The following TM6SF1 variants were observed in gnomAD, a reference collection of about 807,000 sequenced individuals.
TM6SF1 encodes transmembrane 6 superfamily member 1.
A neutral mutation model predicts 47.1 loss-of-function variants in TM6SF1; 43 were observed. The observed-to-expected ratio is 0.91, with a 90% CI of 0.72 to 1.18. The LOEUF (loss-of-function observed/expected upper bound fraction) is 1.18, where lower values mean the gene tolerates loss of function less well. TM6SF1 is among the 50% of genes most tolerant of loss of function. TM6SF1 has a pLI of 0.00. For synonymous variants in TM6SF1, 177 were observed against 166.3 expected, an observed-to-expected ratio of 1.06 and a Z score of -0.49; for missense variants, 390 against 449.0, an observed-to-expected ratio of 0.87 and a Z score of 1.19.
chr15:83,124,881 C>A (rs2151371729), intron 7 of TM6SF1, 105 bp downstream of exon 7: 1 of 958,794 alleles, frequency 1.0e-6, no homozygotes, highest in Non-Finnish European at 1.6e-6. Flanking sequence ...GACTTCTTAG[C>A]AAACTAACAA....
At position 83,124,344 on chromosome 15, in the gene TM6SF1, T is replaced by C. The variant is rs536845485; in HGVS notation, c.604-328T>C. 1.4e-4 allele frequency among the ~76,000 whole-genome samples: 22 copies of C among 152,328 alleles called. No individual in the cohort carries two copies. The South Asian group carries it at 2.1e-3, about 14-fold the overall frequency. ...ATTTACATGTATTACTGGAAAAGTATACCAACGGTTAATAGTGGTGTGGCA... is the reference window on the plus strand; with the variant it reads ...ATTTACATGTATTACTGGAAAAGTACACCAACGGTTAATAGTGGTGTGGCA... On this transcript the variant is annotated intron_variant, in intron 6 of 9. Transcript: ENST00000322019.
rs970198017 is a variant in TM6SF1 at position 83,117,365 on chromosome 15, C to T, written c.294+1423C>T. Among the ~76,000 whole-genome samples the T allele has an allele frequency of 3.9e-5, 6 of 152,176 alleles. 1 individual carries two copies. Among genetic ancestry groups the T allele is most frequent in the African/African-American group, 4.8e-5 (2 of 41,512 alleles). On this transcript the variant is annotated intron_variant, in intron 3 of 9. Coordinates refer to ENST00000322019, the MANE Select transcript of TM6SF1 (RefSeq NM_023003.5). ...GGAGCAGTCCTGGAAGAGAGAGTCACGGGCCATCGGAGTGCAGTTGGTACC... is the reference window on the plus strand; with the variant it reads ...GGAGCAGTCCTGGAAGAGAGAGTCATGGGCCATCGGAGTGCAGTTGGTACC...
intron 9 of TM6SF1, chr15:83,128,393 G>C (rs1034741577): frequency 2.0e-5 from 3 of 152,178 alleles, no homozygotes; most frequent in African/African-American, 7.2e-5. Context: ...GTAGCATCCA[G>C]AAGTAATGGT....
At chr15:83,110,559 G>A (rs185564033) in intron 1 of TM6SF1, among the ~76,000 whole-genome samples, 3 of 152,280 alleles carry the variant, frequency 2.0e-5, no homozygotes, top group East Asian at 1.9e-4. Context: ...CCAACCACGC[G>A]ATCCTGCTGG....
intron 4 of TM6SF1, among the ~76,000 whole-genome samples, chr15:83,121,348 C>G (rs1313837079): frequency 6.6e-6 from 1 of 151,722 alleles, no homozygotes; most frequent in Non-Finnish European, 1.5e-5. Context: ...TCTCAAAGTG[C>G]TGGGATTACA....
chr15:83,135,231 A>G lies in TM6SF1; in HGVS notation c.922-1250A>G, dbSNP rs180688215. 276 of 152,394 alleles carry G rather than the reference A, an allele frequency of 1.8e-3. 1 individual carries two copies. The highest frequency in any genetic ancestry group is 6.3e-3 in the African/African-American group (264 of 41,598). The allele number at this position is 152,394 out of a possible 1,614,324, so 9.4% of individuals were successfully genotyped here. A position where few individuals can be genotyped will look rare whatever the true frequency, so the allele number is the denominator to read the frequency against. ...AAAAAATTCATAAAGATGCTGCTTA[A>G]AAAAACTTGTCCTTTTCTTGTCATG... is the stretch of plus-strand genomic sequence containing the variant. On this transcript the variant is annotated intron_variant, in intron 9 of 9. Transcript: ENST00000322019.
At chr15:83,134,706 A>AT (rs1445331676) in intron 9 of TM6SF1, 2 of 152,236 alleles carry the variant, frequency 1.3e-5, no homozygotes, top group African/African-American at 4.8e-5. Flanking sequence ...AAATTTGGTG[A>AT]TTTTGTGATG....
At chr15:83,111,064 G>C (rs1038557428) in intron 1 of TM6SF1, among the ~76,000 whole-genome samples, 1 of 152,016 alleles carries the variant, frequency 6.6e-6, no homozygotes, top group Non-Finnish European at 1.5e-5. Flanking sequence ...TAGAGACGGG[G>C]TTTCACCATG....
chr15:83,112,925 T>G, intron 2 of TM6SF1, 25 bp downstream of exon 2: 1 of 1,531,656 alleles, frequency 6.5e-7, no homozygotes, highest in Non-Finnish European at 9.1e-7. Flanking sequence ...AGGGAAATCT[T>G]TTGTATCTGA....
At position 83,122,643 on chromosome 15, in the gene TM6SF1, TATTGTCTGGCCC is replaced by T. The variant is rs2035374641; in HGVS notation, c.482-111_482-100del. ...CTTTTTAATTTGGCCTCATTAAAAA[TATTGTCTGGCCC>T]ATAGCAAAATTTTAGATGACCTGAG... On this transcript the variant is annotated intron_variant, in intron 5 of 9. Transcript: ENST00000322019. 3 of 1,153,056 alleles carry T rather than the reference TATTGTCTGGCCC, an allele frequency of 2.6e-6. No homozygotes were observed. In the Admixed American group the frequency reaches 7.1e-5, roughly 27 times the overall value. 71.4% of individuals were successfully genotyped at this position (1,153,056 alleles called of 1,614,324 possible).
At chr15:83,112,191 T>C (rs553762864) in intron 1 of TM6SF1, among the ~76,000 whole-genome samples, 1 of 152,292 alleles carries the variant, frequency 6.6e-6, no homozygotes, top group Admixed American at 6.5e-5. Context: ...GCTGGTCTGT[T>C]GGCCCTGGTT....
chr15:83,125,025 T>C (rs1440541709), intron 7 of TM6SF1, among the ~76,000 whole-genome samples: 1 of 152,180 alleles, frequency 6.6e-6, no homozygotes, highest in Non-Finnish European at 1.5e-5. Flanking sequence ...TTTTAGGGCA[T>C]CTAAAAAATC....
rs529676597 is a variant in TM6SF1, at chr15:83,108,332, G to T, written c.92+560G>T. On this transcript the variant is annotated intron_variant, in intron 1 of 9. Coordinates refer to ENST00000322019, the MANE Select transcript of TM6SF1 (RefSeq NM_023003.5). ...GGCCTGACGGTGTTTGGCACTGACG[G>T]TGTGGTCTGGCCTCGGTTTTCCGGT... 5.9e-5 allele frequency among the ~76,000 whole-genome samples: 9 copies of T among 152,260 alleles called. No individual in the cohort carries two copies. In the South Asian group the frequency reaches 1.9e-3, roughly 32 times the overall value.
At position 83,107,969 on chromosome 15, in the gene TM6SF1, G is replaced by T. The variant is rs1167342233; in HGVS notation, c.92+197G>T. The T allele has an allele frequency of 2.7e-6, 3 of 1,095,828 alleles. No homozygotes were observed. The highest frequency in any genetic ancestry group is 6.8e-5 in the East Asian group (2 of 29,430). The allele number at this position is 1,095,828 out of a possible 1,614,324, so 67.9% of individuals were successfully genotyped here. ...CGCACGGGCCGGGTCTTGGAGCCGG[G>T]CCCTGAGGTGCCCAGGCTGGCGCAT... On this transcript the variant is annotated intron_variant, in intron 1 of 9. Transcript: ENST00000322019. The surrounding 1 kb of genome is among the most constrained non-coding windows in gnomAD (Gnocchi z 5.6).
intron 3 of TM6SF1, among the ~76,000 whole-genome samples, chr15:83,119,020 C>A (rs1246822046): frequency 6.6e-6 from 1 of 152,156 alleles, no homozygotes; most frequent in Non-Finnish European, 1.5e-5. Flanking sequence ...TGGACTCAAT[C>A]CTGTCCATCC....
intron 1 of TM6SF1, 106 bp from the exon 2 acceptor site, chr15:83,112,691 G>T: frequency 4.9e-6 from 4 of 818,160 alleles, no homozygotes; most frequent in Non-Finnish European, 8.5e-6. Flanking sequence ...CAGAATTATG[G>T]ATGAATTATG....
At chr15:83,124,168 A>C (rs2035521882) in intron 6 of TM6SF1, among the ~76,000 whole-genome samples, 1 of 152,202 alleles carries the variant, frequency 6.6e-6, no homozygotes, top group Non-Finnish European at 1.5e-5. Context: ...GAAAGTGCTT[A>C]TAATATAGGC....
At chr15:83,113,795 G>A (rs1270467486) in intron 2 of TM6SF1, 3 of 152,326 alleles carry the variant, frequency 2.0e-5, no homozygotes, top group Non-Finnish European at 2.9e-5. Flanking sequence ...GGAAGAAAGT[G>A]GTGGCTCTTA....
intron 1 of TM6SF1, among the ~76,000 whole-genome samples, chr15:83,109,334 T>C (rs1481455722): frequency 6.6e-6 from 1 of 152,100 alleles, no homozygotes; most frequent in East Asian, 1.9e-4. Context: ...TGGGGCTTAC[T>C]GAAGAGGGTT....
Sources: allele counts gnomAD v4.1 joint callset (sites outside exome capture counted in the v4.1 genomes callset), GRCh38; gene constraint gnomAD v4.1.1; non-coding constraint Gnocchi (gnomAD v3.1); transcripts MANE v1.5; gene names NCBI Gene and HGNC (gene_info 2026-07-23, HGNC 2026-07-21).